The following AGBL4 variants were observed in gnomAD, a reference collection of about 807,000 sequenced individuals.
AGBL4 encodes the protein AGBL carboxypeptidase 4, also known as cytosolic carboxypeptidase 6.
In AGBL4, 58 loss-of-function variants were observed where a neutral mutation model predicts 66.4. The ratio of observed to expected loss-of-function variants is 0.87; its 90% CI spans 0.71 to 1.09. The LOEUF (loss-of-function observed/expected upper bound fraction) is 1.09. Ranked by LOEUF, AGBL4 falls within the 50% of genes least tolerant of loss-of-function variation. The pLI is 0.00. For synonymous variants in AGBL4, 234 were observed against 222.9 expected, an observed-to-expected ratio of 1.05 and a Z score of -0.44; for missense variants, 579 against 631.0, an observed-to-expected ratio of 0.92 and a Z score of 0.88.
chr1:48,816,249 T>A (rs1332468460), intron 6 of AGBL4, among the ~76,000 whole-genome samples: 2 of 152,202 alleles, frequency 1.3e-5, no homozygotes, highest in South Asian at 4.1e-4. Context: ...GAAGGTTGTA[T>A]ACAAGTTGAG....
chr1:49,862,219 C>T (rs1290213966), intron 1 of AGBL4, among the ~76,000 whole-genome samples: 1 of 151,664 alleles, frequency 6.6e-6, no homozygotes, highest in East Asian at 1.9e-4. Flanking sequence ...AAAACTCAAG[C>T]AGAAATTCTA....
At chr1:49,140,017 T>G (rs964120316) in intron 4 of AGBL4, among the ~76,000 whole-genome samples, 3 of 152,160 alleles carry the variant, frequency 2.0e-5, no homozygotes, top group Non-Finnish European at 4.4e-5. Context: ...TTGAATAAAT[T>G]TATGATTTCC....
chr1:50,005,485 C>A (rs914926930), intron 1 of AGBL4, among the ~76,000 whole-genome samples: 1 of 152,188 alleles, frequency 6.6e-6, no homozygotes, highest in Admixed American at 6.5e-5. Context: ...TCTTAGATCA[C>A]AATACCTAAG....
chr1:49,425,551 G>A (rs1234193704), intron 3 of AGBL4, among the ~76,000 whole-genome samples: 5 of 151,834 alleles, frequency 3.3e-5, no homozygotes, highest in South Asian at 2.1e-4. Context: ...ACTAGCTTTC[G>A]GACCTAAGTT....
At chr1:49,780,951 A>T (rs1557439950) in intron 2 of AGBL4, among the ~76,000 whole-genome samples, 2 of 152,168 alleles carry the variant, frequency 1.3e-5, no homozygotes, top group Non-Finnish European at 2.9e-5. Flanking sequence ...ACAACATCCA[A>T]CTAACTATAT....
chr1:48,628,095 G>A (rs1028069300), intron 9 of AGBL4, among the ~76,000 whole-genome samples: 1 of 152,126 alleles, frequency 6.6e-6, no homozygotes, highest in Admixed American at 6.6e-5. Context: ...TCTCTACAGT[G>A]CCGGGTTCTG....
intron 3 of AGBL4, among the ~76,000 whole-genome samples, chr1:49,340,727 G>A (rs1185538000): frequency 2.6e-5 from 4 of 152,184 alleles, no homozygotes; most frequent in South Asian, 2.1e-4. Context: ...TGGGTAAAAT[G>A]AGGCTGAGAC....
chr1:49,031,867 T>C (rs1164356380), intron 5 of AGBL4, among the ~76,000 whole-genome samples: 2 of 152,062 alleles, frequency 1.3e-5, no homozygotes, highest in African/African-American at 2.4e-5. Flanking sequence ...AAATGTTGAA[T>C]GAGTAGTCAG....
At chr1:48,865,240 G>C (rs1302004977) in intron 6 of AGBL4, among the ~76,000 whole-genome samples, 1 of 152,092 alleles carries the variant, frequency 6.6e-6, no homozygotes, top group Non-Finnish European at 1.5e-5. Flanking sequence ...TTTTGACATG[G>C]AATAGAGTCA....
intron 9 of AGBL4, among the ~76,000 whole-genome samples, chr1:48,605,303 G>A (rs983557267): frequency 5.9e-5 from 9 of 152,096 alleles, no homozygotes; most frequent in South Asian, 2.1e-4. Flanking sequence ...ATCTGCCTTC[G>A]TCCCCAACCT....
At chr1:49,129,102 A>G (rs2148063003) in intron 4 of AGBL4, among the ~76,000 whole-genome samples, 1 of 152,198 alleles carries the variant, frequency 6.6e-6, no homozygotes, top group Non-Finnish European at 1.5e-5. Flanking sequence ...CTCATGAAAA[A>G]TGCTTACTAT....
chr1:49,157,622 G>A (rs932119195), intron 4 of AGBL4, among the ~76,000 whole-genome samples: 1 of 152,058 alleles, frequency 6.6e-6, no homozygotes, highest in Non-Finnish European at 1.5e-5. Flanking sequence ...GGGTCAAATG[G>A]TTTTCTGGGC....
At chr1:49,093,111 G>A (rs1314145966) in intron 4 of AGBL4, among the ~76,000 whole-genome samples, 1 of 152,070 alleles carries the variant, frequency 6.6e-6, no homozygotes, top group Admixed American at 6.6e-5. Context: ...AATAATTAGG[G>A]CTGCTCTTCA....
chr1:49,725,331 A>G (rs1049081545), intron 2 of AGBL4, among the ~76,000 whole-genome samples: 51 of 152,294 alleles, frequency 3.3e-4, no homozygotes, highest in African/African-American at 1.2e-3. Context: ...TCTGGCTACA[A>G]ATTGTTTCAA....
chr1:48,621,919 A>G (rs534769237), intron 9 of AGBL4, among the ~76,000 whole-genome samples: 1 of 152,182 alleles, frequency 6.6e-6, no homozygotes, highest in South Asian at 2.1e-4. Context: ...AAACAAAACA[A>G]TATATTTTAC....
intron 1 of AGBL4, among the ~76,000 whole-genome samples, chr1:49,954,093 CTA>C (rs980157302): frequency 2.2e-4 from 33 of 151,918 alleles, no homozygotes; most frequent in Non-Finnish European, 1.0e-4. Flanking sequence ...CAAGATCTCA[CTA>C]TGTTACATAT....
At chr1:49,303,771 C>T (rs747450685) in intron 3 of AGBL4, among the ~76,000 whole-genome samples, 1 of 152,120 alleles carries the variant, frequency 6.6e-6, no homozygotes, top group Non-Finnish European at 1.5e-5. Context: ...CCACTGCACC[C>T]AACCTAAATG....
chr1:48,574,999 C>T (rs919220922), intron 11 of AGBL4, among the ~76,000 whole-genome samples: 1 of 152,084 alleles, frequency 6.6e-6, no homozygotes, highest in African/African-American at 2.4e-5. Context: ...ATGTCCTACA[C>T]GTAGTCGATG....
At chr1:49,486,716 G>A (rs1334899252) in intron 3 of AGBL4, among the ~76,000 whole-genome samples, 2 of 151,844 alleles carry the variant, frequency 1.3e-5, no homozygotes, top group East Asian at 1.9e-4. Flanking sequence ...GAAAAACGTC[G>A]GCGTAAGTAA....
Sources: allele counts gnomAD v4.1 joint callset (sites outside exome capture counted in the v4.1 genomes callset), GRCh38; gene constraint gnomAD v4.1.1; transcripts MANE v1.5; gene names NCBI Gene and HGNC (gene_info 2026-07-23, HGNC 2026-07-21).